TRIM39: variants seen among roughly 807,000 people sequenced by gnomAD.
TRIM39 encodes the protein E3 ubiquitin-protein ligase TRIM39.
A neutral mutation model predicts 53.6 loss-of-function variants in TRIM39; 5 were observed. The ratio of observed to expected loss-of-function variants is 0.09; its 90% confidence interval spans 0.05 to 0.20. The LOEUF (loss-of-function observed/expected upper bound fraction) is 0.20. Ranked by LOEUF, TRIM39 falls within the 10% of genes least tolerant of loss-of-function variation. TRIM39 has a pLI of 1.00. For synonymous variants in TRIM39, 196 were observed against 237.6 expected (o/e 0.82, Z 1.61); for missense variants, 310 against 621.0 (o/e 0.50, Z 5.32).
At chr6:30,329,236 G>A in intron 2 of TRIM39, 75 bp from the exon 3 acceptor site, 1 of 1,390,740 alleles carries the variant, frequency 7.2e-7, no homozygotes, top group Non-Finnish European at 9.7e-7. Flanking sequence ...GTCGGGTCAG[G>A]GATGCAAAAA....
In TRIM39 at chr6:30,329,250, A is replaced by G. The variant is rs1337437174; in HGVS notation, c.-7-61A>G. The G allele has an allele frequency of 3.9e-6, 6 of 1,522,118 alleles. No individual in the cohort carries two copies. In the African/African-American group the frequency reaches 4.2e-5, roughly 11 times the overall value. The allele number at this position is 1,522,118 out of a possible 1,614,324, so 94.3% of individuals were successfully genotyped here. On this transcript the variant is annotated intron_variant, in intron 2 of 7. Transcript: ENST00000396551. ...TGTCGGGTCAGGGATGCAAAAAAAA[A>G]AAAAAGAAAAAACCTCCAATTAATA...
At chr6:30,326,482 G>A (rs1052518305) in exon 1 of TRIM39, 3 of 152,418 alleles carry the variant, frequency 2.0e-5, no homozygotes, top group African/African-American at 7.2e-5. Flanking sequence ...CTGGCCCGAA[G>A]AGAGGAAAAG....
At chr6:30,327,600 C>T (rs1351037251) in intron 1 of TRIM39, 1 of 152,412 alleles carries the variant, frequency 6.6e-6, no homozygotes, top group African/African-American at 2.4e-5. Flanking sequence ...AGTCCTCTCC[C>T]TTCTTCCCTA....
intron 4 of TRIM39, among the ~76,000 whole-genome samples, chr6:30,334,274 TTGCTTC>T (rs1262280691): frequency 1.3e-5 from 2 of 149,324 alleles, no homozygotes. Context: ...GCTTCTCACT[TTGCTTC>T]ATCATCAGTC....
intron 3 of TRIM39, among the ~76,000 whole-genome samples, 160 bp downstream of exon 3, chr6:30,329,930 G>T (rs1785915558): frequency 6.6e-6 from 1 of 152,200 alleles, no homozygotes; most frequent in Non-Finnish European, 1.5e-5. Context: ...TTGTCCTCTA[G>T]CCTGAAAAAG....
chr6:30,334,142 C>T (rs1207936328), intron 4 of TRIM39, among the ~76,000 whole-genome samples: 1 of 152,244 alleles, frequency 6.6e-6, no homozygotes, highest in Non-Finnish European at 1.5e-5. Context: ...CTGCCAGGAA[C>T]TAGCTTGAAT....
chr6:30,337,091 G>C (rs2127404399), intron 5 of TRIM39, among the ~76,000 whole-genome samples: 1 of 152,232 alleles, frequency 6.6e-6, no homozygotes, highest in South Asian at 2.1e-4. Flanking sequence ...TTTCTGAGCA[G>C]TAGGTCTCAA....
At chr6:30,336,077 C>A in intron 5 of TRIM39, 102 bp downstream of exon 5, 1 of 1,510,470 alleles carries the variant, frequency 6.6e-7, no homozygotes, top group Non-Finnish European at 9.0e-7. Flanking sequence ...TGCTCTCCTT[C>A]TCTAAATCCA....
At position 30,338,232 on chromosome 6, in the gene TRIM39, A is replaced by C. The variant is rs1436071028; in HGVS notation, c.781-1676A>C. Among the ~76,000 whole-genome samples, 1 of 152,160 alleles carries C rather than the reference A, an allele frequency of 6.6e-6. No homozygotes were observed. Among genetic ancestry groups the C allele is most frequent in the Non-Finnish European group, 1.5e-5 (1 of 68,032 alleles). On this transcript the variant is annotated intron_variant, in intron 5 of 7. Transcript: ENST00000396551. This position sits in a 1 kb window ranked among gnomAD's most constrained non-coding sequence, Gnocchi z 4.0. ...CTTCAATAACTTTTCCTTAGCATTC[A>C]CAGCCTGGCTTGGTGTTTGGCACAA...
At chr6:30,327,100 A>T (rs1785429505) in intron 1 of TRIM39, 105 bp downstream of exon 1, 1 of 151,956 alleles carries the variant, frequency 6.6e-6, no homozygotes. Context: ...GGCCCCCCGC[A>T]CGTAACCACA....
intron 4 of TRIM39, among the ~76,000 whole-genome samples, chr6:30,334,726 T>C (rs1261894902): frequency 1.3e-5 from 2 of 152,210 alleles, no homozygotes; most frequent in Non-Finnish European, 2.9e-5. Flanking sequence ...ACTTTCCTTT[T>C]TGTTTCGTTG....
chr6:30,337,625 C>T (rs1479046889), intron 5 of TRIM39, among the ~76,000 whole-genome samples: 2 of 152,094 alleles, frequency 1.3e-5, no homozygotes, highest in African/African-American at 4.8e-5. Flanking sequence ...CTTTGTTATT[C>T]CATTTCTAGA....
At chr6:30,341,458 G>A (rs1787536357) in intron 7 of TRIM39, 1 of 715,470 alleles carries the variant, frequency 1.4e-6, no homozygotes, top group Admixed American at 2.0e-5. Context: ...AGAGGACCAG[G>A]CGGGAACCTA....
At chr6:30,340,013 G>A (rs1006910113) in intron 6 of TRIM39, 83 bp downstream of exon 6, 8 of 1,605,880 alleles carry the variant, frequency 5.0e-6, no homozygotes, top group Non-Finnish European at 6.0e-6. Flanking sequence ...GGTTGGGGGT[G>A]AGGTTGGGAA....
chr6:30,330,376 G>A lies in TRIM39; in HGVS notation c.454-405G>A, dbSNP rs768739678. ...AAAACAAGATTTCAGGTAACTTACA[G>A]TATAATAACCATGTTTTTATTGTAG... On this transcript the variant is annotated intron_variant, in intron 3 of 7. Coordinates refer to ENST00000396551, the Ensembl canonical transcript of TRIM39. 2.3e-4 allele frequency among the ~76,000 whole-genome samples: 35 copies of A among 152,226 alleles called. 1 individual carries two copies. Among genetic ancestry groups the A allele is most frequent in the Non-Finnish European group, 4.0e-4 (27 of 68,034 alleles).
intron 1 of TRIM39, chr6:30,327,775 G>A (rs905760074): frequency 6.6e-6 from 1 of 152,242 alleles, no homozygotes; most frequent in African/African-American, 2.4e-5. Flanking sequence ...CCCACAGATA[G>A]AAATCATCTG....
At chr6:30,332,765 T>G (rs915153204) in intron 4 of TRIM39, among the ~76,000 whole-genome samples, 3 of 152,200 alleles carry the variant, frequency 2.0e-5, no homozygotes, top group Admixed American at 6.5e-5. Flanking sequence ...TGAACAGAAC[T>G]GTCCTGTTTT....
At chr6:30,340,312 T>C (rs754368860) in intron 6 of TRIM39, 193 bp from the exon 7 acceptor site, 1 of 1,613,062 alleles carries the variant, frequency 6.2e-7, no homozygotes, top group Non-Finnish European at 8.5e-7. Flanking sequence ...CTCAACGATC[T>C]GTCCACGGGA....
chr6:30,329,562 G>A (rs372556521), exon 3 of TRIM39: 5 of 1,612,978 alleles, frequency 3.1e-6, no homozygotes, highest in Admixed American at 1.7e-5. Flanking sequence ...CGACCTAATC[G>A]GCAACTAGGC....
Sources: allele counts gnomAD v4.1 joint callset (sites outside exome capture counted in the v4.1 genomes callset), GRCh38; gene constraint gnomAD v4.1.1; non-coding constraint Gnocchi (gnomAD v3.1); transcripts MANE v1.5; gene names NCBI Gene and HGNC (gene_info 2026-07-23, HGNC 2026-07-21).